The following ARID4B variants were observed in gnomAD, a reference collection of about 807,000 sequenced individuals.
ARID4B encodes AT-rich interactive domain-containing protein 4B.
ARID4B carries 26 observed loss-of-function variants against 147.5 expected under a neutral mutation model. The ratio of observed to expected loss-of-function variants is 0.18; its 90% CI spans 0.13 to 0.24. The LOEUF (loss-of-function observed/expected upper bound fraction) is 0.24, where lower values mean the gene tolerates loss of function less well. Among genes scored for constraint, ARID4B ranks in the 10% least tolerant of loss-of-function variants. ARID4B has a pLI of 1.00. For missense variants in ARID4B, 1,179 were observed against 1,511.5 expected (o/e 0.78, Z 3.65); for synonymous variants, 512 against 507.9 (o/e 1.01, Z -0.11).
chr1:235,229,471 A>G, intron 10 of ARID4B, 86 bp from the exon 11 acceptor site: 1 of 951,778 alleles, frequency 1.1e-6, no homozygotes, highest in Non-Finnish European at 1.6e-6. Flanking sequence ...AAGAAATAAA[A>G]ACTACTGTGC....
At chr1:235,289,611 G>A (rs1672197035) in intron 2 of ARID4B, among the ~76,000 whole-genome samples, 1 of 151,428 alleles carries the variant, frequency 6.6e-6, no homozygotes, top group South Asian at 2.1e-4. Flanking sequence ...GTAGCCCCAG[G>A]TACTCAGGAG....
chr1:235,283,726 C>A lies in ARID4B; in HGVS notation c.7-22974G>T, dbSNP rs931717320. On this transcript the variant is annotated intron_variant, in intron 2 of 23. Transcript: ENST00000264183. ...AGACCCTAAAGAAAATGAAACCAAT[C>A]CTTTATTTACTTATTTATTGAGACA... 2.6e-5 allele frequency among the ~76,000 whole-genome samples: 4 copies of A among 152,078 alleles called. No homozygotes were observed. In the East Asian group the frequency reaches 5.8e-4, roughly 22 times the overall value.
chr1:235,306,249 G>A (rs757454087), intron 2 of ARID4B, among the ~76,000 whole-genome samples: 5 of 152,126 alleles, frequency 3.3e-5, no homozygotes, highest in East Asian at 1.9e-4. Flanking sequence ...GGCTGGGCAC[G>A]GTGGCTCACT....
At chr1:235,204,272 A>C (rs1291819006) in intron 17 of ARID4B, among the ~76,000 whole-genome samples, 1 of 152,204 alleles carries the variant, frequency 6.6e-6, no homozygotes, top group Admixed American at 6.5e-5. Flanking sequence ...CAGTGAGCCA[A>C]GATCATGCCA....
intron 22 of ARID4B, among the ~76,000 whole-genome samples, chr1:235,173,233 A>G (rs1196223721): frequency 6.6e-6 from 1 of 152,094 alleles, no homozygotes; most frequent in Non-Finnish European, 1.5e-5. Context: ...AATCCCAGCT[A>G]CTCGGGAGGC....
At chr1:235,310,580 G>A (rs1291652267) in intron 2 of ARID4B, among the ~76,000 whole-genome samples, 4 of 152,140 alleles carry the variant, frequency 2.6e-5, no homozygotes, top group East Asian at 1.9e-4. Flanking sequence ...ATAACTGTAC[G>A]GTTAAAGAAT....
At chr1:235,206,834 G>A (rs1666337266) in intron 17 of ARID4B, among the ~76,000 whole-genome samples, 1 of 152,240 alleles carries the variant, frequency 6.6e-6, no homozygotes, top group Non-Finnish European at 1.5e-5. Flanking sequence ...GAGAAACTGA[G>A]TAACAAGTGT....
chr1:235,290,806 T>C (rs971745866), intron 2 of ARID4B, among the ~76,000 whole-genome samples: 1 of 152,184 alleles, frequency 6.6e-6, no homozygotes, highest in Admixed American at 6.5e-5. Flanking sequence ...TTTACAAAAA[T>C]TCCATAACAG....
intron 23 of ARID4B, among the ~76,000 whole-genome samples, chr1:235,169,991 A>G (rs1444021435): frequency 6.6e-6 from 1 of 152,180 alleles, no homozygotes; most frequent in Non-Finnish European, 1.5e-5. Context: ...TTCATAAATT[A>G]ATATTTTTAA....
chr1:235,296,704 C>T (rs995864503), intron 2 of ARID4B, among the ~76,000 whole-genome samples: 19 of 150,306 alleles, frequency 1.3e-4, no homozygotes, highest in Non-Finnish European at 1.0e-4. Flanking sequence ...AAGTGATCCG[C>T]CCACCTCAGC....
At chr1:235,176,280 C>T (rs183349603) in intron 21 of ARID4B, among the ~76,000 whole-genome samples, 38 of 151,564 alleles carry the variant, frequency 2.5e-4, no homozygotes, top group African/African-American at 8.5e-4. Flanking sequence ...ATTGAAGATG[C>T]GCTCTCTTAG....
intron 23 of ARID4B, among the ~76,000 whole-genome samples, chr1:235,170,168 C>T (rs997566898): frequency 1.3e-5 from 2 of 152,090 alleles, no homozygotes; most frequent in Non-Finnish European, 2.9e-5. Flanking sequence ...AAAAAAACTA[C>T]CCCAGGGGCA....
intron 17 of ARID4B, among the ~76,000 whole-genome samples, chr1:235,211,938 G>A (rs1203039381): frequency 1.3e-5 from 2 of 152,064 alleles, no homozygotes; most frequent in Non-Finnish European, 2.9e-5. Flanking sequence ...TTAATAGCCA[G>A]ACCTTCAGGT....
rs185445540 is a variant in ARID4B at position 235,313,813 on chromosome 1, G to A, written c.6+13101C>T. Among the ~76,000 whole-genome samples the A allele has an allele frequency of 1.1e-3, 171 of 152,262 alleles. 1 individual carries two copies. Among genetic ancestry groups the A allele is most frequent in the African/African-American group, 4.0e-3 (168 of 41,556 alleles). On this transcript the variant is annotated intron_variant, in intron 2 of 23. Coordinates refer to ENST00000264183, the MANE Select transcript of ARID4B (RefSeq NM_016374.6). ...TAAAGGTTAGACATGAGAGCAAAGA[G>A]TTCTTGGAATAAAGAAATCTGGTTA... is the stretch of plus-strand genomic sequence containing the variant.
chr1:235,302,277 G>A (rs565659416), intron 2 of ARID4B, among the ~76,000 whole-genome samples: 15 of 111,254 alleles, frequency 1.3e-4, no homozygotes, highest in African/African-American at 1.9e-4. Context: ...GGAGGGAGGG[G>A]AGGAAGGAAG....
intron 22 of ARID4B, among the ~76,000 whole-genome samples, chr1:235,173,406 A>C (rs1231374943): frequency 6.6e-6 from 1 of 152,050 alleles, no homozygotes; most frequent in Non-Finnish European, 1.5e-5. Flanking sequence ...AAAATGCTAA[A>C]TTGTACACAT....
intron 8 of ARID4B, among the ~76,000 whole-genome samples, chr1:235,236,840 A>ATATATATATATATATATATATGTG (rs1668614852): frequency 3.4e-5 from 1 of 29,650 alleles, no homozygotes; most frequent in Admixed American, 5.1e-4. Context: ...AAAAATATAT[A>ATATATATATATATATATATATGTG]TATATATATA....
At position 235,244,069 on chromosome 1, in the gene ARID4B, T is replaced by A. The variant is rs183181472; in HGVS notation, c.446+2351A>T. Among the ~76,000 whole-genome samples, 159 of 152,302 alleles carry A rather than the reference T, an allele frequency of 1.0e-3. 1 individual carries two copies. Among genetic ancestry groups the A allele is most frequent in the African/African-American group, 3.8e-3 (156 of 41,570 alleles). The stretch of plus-strand genomic sequence containing the variant: ...TAAAATATATGAGTAAATTTTATGA[T>A]ACATGAATTATACACTAATTTAAAA... On this transcript the variant is annotated intron_variant, in intron 7 of 23. Transcript: ENST00000264183.
intron 19 of ARID4B, among the ~76,000 whole-genome samples, chr1:235,190,637 TGAATA>T (rs1665032271): frequency 2.0e-5 from 3 of 152,140 alleles, no homozygotes; most frequent in Admixed American, 2.0e-4. Flanking sequence ...AGCCAAACTA[TGAATA>T]GAATAAAGAT....
Sources: allele counts gnomAD v4.1 joint callset (sites outside exome capture counted in the v4.1 genomes callset), GRCh38; gene constraint gnomAD v4.1.1; transcripts MANE v1.5; gene names NCBI Gene and HGNC (gene_info 2026-07-23, HGNC 2026-07-21).